Variants in PRKCE observed in about 807,000 individuals in gnomAD.
PRKCE encodes the protein protein kinase C epsilon type.
A neutral mutation model predicts 85.4 loss-of-function variants in PRKCE; 16 were observed. The ratio of observed to expected loss-of-function variants is 0.19; its 90% CI spans 0.13 to 0.28. The LOEUF is 0.28. Ranked by LOEUF, PRKCE falls within the 10% of genes least tolerant of loss-of-function variation. PRKCE has a pLI of 1.00. For missense variants in PRKCE, 573 were observed against 975.2 expected, an observed-to-expected ratio of 0.59 and a Z score of 5.49; for synonymous variants, 388 against 371.5, an observed-to-expected ratio of 1.04 and a Z score of -0.51.
At chr2:45,662,692 C>CTT (rs34322525) in intron 1 of PRKCE, among the ~76,000 whole-genome samples, 72,165 of 148,854 alleles carry the variant, frequency 0.48, 20,515 homozygotes, top group Middle Eastern at 0.64. Context: ...CCAGCTCCTG[C>CTT]TTTTTTTTTT....
rs1324525040 is a variant in PRKCE, at chr2:46,102,286, T to TG, written c.1592+15927dup. 2.0e-5 allele frequency among the ~76,000 whole-genome samples: 3 copies of TG among 152,342 alleles called. No individual in the cohort carries two copies. In the East Asian group the frequency reaches 5.8e-4, roughly 29 times the overall value. On this transcript the variant is annotated intron_variant, in intron 11 of 14. Coordinates refer to ENST00000306156, the MANE Select transcript of PRKCE (RefSeq NM_005400.3). ...TTCCAGTGTGTTAACAGGCCTACACTGGGTTCCTTTACATCTCTGGCCTTG... is the reference window on the plus strand; with the variant it reads ...TTCCAGTGTGTTAACAGGCCTACACTGGGGTTCCTTTACATCTCTGGCCTTG...
intron 2 of PRKCE, among the ~76,000 whole-genome samples, chr2:45,849,559 A>G (rs1692075526): frequency 6.6e-6 from 1 of 152,120 alleles, no homozygotes; most frequent in Non-Finnish European, 1.5e-5. Flanking sequence ...AGCTTCCCAA[A>G]CAGGGGACCT....
intron 2 of PRKCE, among the ~76,000 whole-genome samples, chr2:45,894,761 C>T (rs1381323265): frequency 2.6e-5 from 4 of 152,290 alleles, no homozygotes; most frequent in South Asian, 2.1e-4. Flanking sequence ...CTCACCATGT[C>T]GCCCAGGCTG....
intron 10 of PRKCE, among the ~76,000 whole-genome samples, chr2:46,063,304 A>T (rs2103640423): frequency 6.6e-6 from 1 of 152,094 alleles, no homozygotes; most frequent in Admixed American, 6.6e-5. Flanking sequence ...TTCAGTTTCC[A>T]GCATTGTGTT....
chr2:45,850,523 G>A (rs1415688049), intron 2 of PRKCE, among the ~76,000 whole-genome samples: 1 of 152,178 alleles, frequency 6.6e-6, no homozygotes, highest in Non-Finnish European at 1.5e-5. Flanking sequence ...TTAAAAGAAA[G>A]GGTATTTCCA....
At chr2:45,866,149 C>T (rs1693592392) in intron 2 of PRKCE, among the ~76,000 whole-genome samples, 1 of 151,920 alleles carries the variant, frequency 6.6e-6, no homozygotes. Context: ...TACCCAGTCC[C>T]AGATATTTTG....
intron 2 of PRKCE, among the ~76,000 whole-genome samples, chr2:45,950,849 G>A (rs893212722): frequency 6.6e-6 from 1 of 152,058 alleles, no homozygotes; most frequent in Non-Finnish European, 1.5e-5. Context: ...GTTCCTAGAG[G>A]ACCAACTTTC....
intron 2 of PRKCE, among the ~76,000 whole-genome samples, chr2:45,844,134 A>G (rs897385771): frequency 2.0e-5 from 3 of 152,218 alleles, no homozygotes; most frequent in South Asian, 2.1e-4. Context: ...GATGTGCTTG[A>G]CAGTGGTGCC....
At chr2:46,071,116 CCACACCCTACT>C (rs1668051705) in intron 10 of PRKCE, among the ~76,000 whole-genome samples, 1 of 152,128 alleles carries the variant, frequency 6.6e-6, no homozygotes, top group Non-Finnish European at 1.5e-5. Context: ...CCCAGAAAAC[CCACACCCTACT>C]CATTTTGACA....
In PRKCE at chr2:46,159,524, T is replaced by G; in HGVS notation, c.1921-82T>G. On this transcript the variant is annotated intron_variant, in intron 13 of 14. Coordinates refer to ENST00000306156, the MANE Select transcript of PRKCE (RefSeq NM_005400.3). The surrounding 1 kb of genome is among the most constrained non-coding windows in gnomAD (Gnocchi z 4.1). ...GGGAGGCGATGCTGAAGATGCTGCT[T>G]TGGCTGACCTCCATCTGTCCCTTAT... is the stretch of plus-strand genomic sequence containing the variant. 1 of 1,427,084 alleles carries G rather than the reference T, an allele frequency of 7.0e-7. No homozygotes were observed. Among genetic ancestry groups the G allele is most frequent in the Non-Finnish European group, 9.3e-7 (1 of 1,080,272 alleles). The allele number at this position is 1,427,084 out of a possible 1,614,324, so 88.4% of individuals were successfully genotyped here. A position where few individuals can be genotyped will look rare whatever the true frequency, so the allele number is the denominator to read the frequency against.
intron 2 of PRKCE, among the ~76,000 whole-genome samples, chr2:45,919,439 C>G (rs551527616): frequency 6.6e-6 from 1 of 152,370 alleles, no homozygotes; most frequent in South Asian, 2.1e-4. Flanking sequence ...GCCCTCTGGC[C>G]TCTCTTATTT....
chr2:45,791,243 T>C (rs928279116), intron 1 of PRKCE, among the ~76,000 whole-genome samples: 1 of 152,218 alleles, frequency 6.6e-6, no homozygotes, highest in Non-Finnish European at 1.5e-5. Context: ...TTGAGCTTTC[T>C]GGTAAAGAGG....
chr2:45,817,653 C>T (rs1689185441), intron 1 of PRKCE, among the ~76,000 whole-genome samples: 1 of 152,062 alleles, frequency 6.6e-6, no homozygotes, highest in Admixed American at 6.5e-5. Flanking sequence ...GAGATCACGC[C>T]ACTGCACTCC....
In PRKCE at chr2:46,001,630, G is replaced by A. The variant is rs920423825; in HGVS notation, c.966+84G>A. 3.6e-5 allele frequency: 51 copies of A among 1,428,858 alleles called. No homozygotes were observed. Among genetic ancestry groups the A allele is most frequent in the Non-Finnish European group, 4.4e-5 (48 of 1,079,992 alleles). The allele number at this position is 1,428,858 out of a possible 1,614,324, so 88.5% of individuals were successfully genotyped here. A position where few individuals can be genotyped will look rare whatever the true frequency, so the allele number is the denominator to read the frequency against. ...ACTTCCAGAGGGTGCTCTGGAGTGA[G>A]GTAATAAGATTCCTGGGTTTGAGGT... On this transcript the variant is annotated intron_variant, in intron 7 of 14. Coordinates refer to ENST00000306156, the MANE Select transcript of PRKCE (RefSeq NM_005400.3). The surrounding 1 kb of genome is among the most constrained non-coding windows in gnomAD (Gnocchi z 4.4).
At chr2:45,982,634 C>A (rs1702985370) in intron 5 of PRKCE, among the ~76,000 whole-genome samples, 1 of 152,164 alleles carries the variant, frequency 6.6e-6, no homozygotes. Flanking sequence ...CCCATTGTAT[C>A]TGTGTCCTCC....
At chr2:45,985,065 T>C (rs62129008) in intron 6 of PRKCE, among the ~76,000 whole-genome samples, 51,815 of 152,038 alleles carry the variant, frequency 0.34, 8,990 homozygotes, top group Middle Eastern at 0.49. Context: ...TTTTCTTGCA[T>C]GGTCCATGGC....
At chr2:46,172,727 C>G (rs1679041920) in intron 14 of PRKCE, among the ~76,000 whole-genome samples, 1 of 152,188 alleles carries the variant, frequency 6.6e-6, no homozygotes, top group South Asian at 2.1e-4. Flanking sequence ...GACAGCCTTC[C>G]CCACAGAGCA....
chr2:46,119,018 G>C (rs985906725), intron 11 of PRKCE, among the ~76,000 whole-genome samples: 4 of 152,176 alleles, frequency 2.6e-5, no homozygotes, highest in African/African-American at 7.2e-5. Flanking sequence ...AGGAGGAAGA[G>C]AGCAAATGGC....
chr2:45,993,299 T>C (rs1703959387), intron 6 of PRKCE, among the ~76,000 whole-genome samples: 1 of 152,230 alleles, frequency 6.6e-6, no homozygotes, highest in South Asian at 2.1e-4. Context: ...CTTGCTCCCG[T>C]TATGGCTGCC....
Sources: allele counts gnomAD v4.1 joint callset (sites outside exome capture counted in the v4.1 genomes callset), GRCh38; gene constraint gnomAD v4.1.1; non-coding constraint Gnocchi (gnomAD v3.1); transcripts MANE v1.5; gene names NCBI Gene and HGNC (gene_info 2026-07-23, HGNC 2026-07-21).